The following DNAH12 variants were observed in gnomAD, a reference collection of about 807,000 sequenced individuals.
DNAH12 encodes the protein axonemal beta dynein heavy chain 12.
In DNAH12, 285 loss-of-function variants were observed where a neutral mutation model predicts 371.5. The observed-to-expected ratio is 0.77, with a 90% CI of 0.70 to 0.85. DNAH12 has a LOEUF of 0.85. Ranked by LOEUF, DNAH12 falls within the 40% of genes least tolerant of loss-of-function variation. DNAH12 has a pLI of 0.00. For missense variants in DNAH12, 3,611 were observed against 3,689.4 expected, an observed-to-expected ratio of 0.98 and a Z score of 0.55; for synonymous variants, 1,200 against 1,213.0, an observed-to-expected ratio of 0.99 and a Z score of 0.22.
intron 25 of DNAH12, among the ~76,000 whole-genome samples, chr3:57,446,975 A>G (rs949022260): frequency 1.3e-5 from 2 of 152,192 alleles, no homozygotes; most frequent in African/African-American, 4.8e-5. Context: ...TAGTTCAGGA[A>G]GGTTTTAATT....
At chr3:57,383,795 A>T (rs2153344290) in intron 49 of DNAH12, among the ~76,000 whole-genome samples, 1 of 152,000 alleles carries the variant, frequency 6.6e-6, no homozygotes, top group Non-Finnish European at 1.5e-5. Context: ...AAAGAAAAAA[A>T]GTACTGAGAG....
intron 4 of DNAH12, among the ~76,000 whole-genome samples, chr3:57,517,010 C>T (rs2068224840): frequency 6.6e-6 from 1 of 152,052 alleles, no homozygotes; most frequent in Non-Finnish European, 1.5e-5. Flanking sequence ...TGGAACATAC[C>T]CAGTTGTTTT....
At chr3:57,393,625 C>CAAAAAAAAAAAAAAAAAAAAAAA (rs1180952196) in intron 44 of DNAH12, among the ~76,000 whole-genome samples, 1 of 64,296 alleles carries the variant, frequency 1.6e-5, no homozygotes, top group African/African-American at 8.7e-5. Flanking sequence ...GACTCTGTCT[C>CAAAAAAAAAAAAAAAAAAAAAAA]AAAAAAAAAA....
intron 49 of DNAH12, among the ~76,000 whole-genome samples, chr3:57,384,500 C>T (rs1484930637): frequency 6.6e-6 from 1 of 151,860 alleles, no homozygotes; most frequent in Non-Finnish European, 1.5e-5. Context: ...AAAGATTAGC[C>T]AGGCCTAGTG....
intron 13 of DNAH12, among the ~76,000 whole-genome samples, chr3:57,479,224 T>C (rs1478026074): frequency 2.0e-5 from 3 of 152,032 alleles, no homozygotes; most frequent in Non-Finnish European, 4.4e-5. Context: ...GGATGGAGGA[T>C]GATCTACCAA....
intron 34 of DNAH12, chr3:57,428,322 A>G (rs1230484625): frequency 1.9e-6 from 2 of 1,079,706 alleles, no homozygotes; most frequent in Admixed American, 3.1e-5. Context: ...TAAATATTGA[A>G]TAACTCATAA....
At chr3:57,499,940 G>A (rs1424747648) in intron 11 of DNAH12, among the ~76,000 whole-genome samples, 4 of 151,342 alleles carry the variant, frequency 2.6e-5, no homozygotes, top group Non-Finnish European at 5.9e-5. Flanking sequence ...TAGAAAGGGG[G>A]AAAATGAAGA....
intron 65 of DNAH12, among the ~76,000 whole-genome samples, chr3:57,315,208 C>T (rs185094979): frequency 6.6e-6 from 1 of 151,846 alleles, no homozygotes; most frequent in Non-Finnish European, 1.5e-5. Flanking sequence ...AGGTCCCCCC[C>T]AAGTAAATTT....
At chr3:57,517,623 A>G (rs1473142061) in intron 4 of DNAH12, among the ~76,000 whole-genome samples, 2 of 152,242 alleles carry the variant, frequency 1.3e-5, no homozygotes, top group African/African-American at 2.4e-5. Flanking sequence ...TTATGTATCT[A>G]TAACTTATAC....
chr3:57,494,457 G>C (rs556559498), intron 11 of DNAH12, among the ~76,000 whole-genome samples: 63 of 152,174 alleles, frequency 4.1e-4, no homozygotes, highest in African/African-American at 1.4e-3. Context: ...AGGTAATTGG[G>C]AGGCTAAGGT....
intron 29 of DNAH12, 50 bp from the exon 30 acceptor site, chr3:57,437,110 C>A: frequency 8.9e-7 from 1 of 1,126,604 alleles, no homozygotes; most frequent in Non-Finnish European, 1.2e-6. Flanking sequence ...TTATAAATGT[C>A]ATACCTGTCT....
At chr3:57,361,456 ATATATATATATATATC>A (rs1171566860) in intron 58 of DNAH12, among the ~76,000 whole-genome samples, 1 of 143,832 alleles carries the variant, frequency 7.0e-6, no homozygotes, top group African/African-American at 2.7e-5. Flanking sequence ...ATATATATAT[ATATATATATATATATC>A]TCATTCAGCT....
At chr3:57,537,195 GA>G (rs1294088845) in intron 2 of DNAH12, among the ~76,000 whole-genome samples, 1 of 150,730 alleles carries the variant, frequency 6.6e-6, no homozygotes, top group Non-Finnish European at 1.5e-5. Flanking sequence ...CCTTGTCTCA[GA>G]AAAAAAAAAG....
At chr3:57,517,135 A>G (rs2068230250) in intron 4 of DNAH12, among the ~76,000 whole-genome samples, 1 of 152,102 alleles carries the variant, frequency 6.6e-6, no homozygotes, top group South Asian at 2.1e-4. Flanking sequence ...TCACCACCTC[A>G]GGGACGCCTT....
At chr3:57,395,873 C>T (rs2063726169) in intron 43 of DNAH12, among the ~76,000 whole-genome samples, 1 of 151,930 alleles carries the variant, frequency 6.6e-6, no homozygotes, top group Non-Finnish European at 1.5e-5. Context: ...GGGAGGATTG[C>T]TTGAGCCTGG....
At position 57,519,969 on chromosome 3, in the gene DNAH12, G is replaced by A. The variant is rs1053174139; in HGVS notation, c.279+3614C>T. 2.0e-5 allele frequency: 17 copies of A among 852,710 alleles called. No individual in the cohort carries two copies. The African/African-American group carries it at 2.5e-4, about 13-fold the overall frequency. The allele number at this position is 852,710 out of a possible 1,614,324, so 52.8% of individuals were successfully genotyped here. A position where few individuals can be genotyped will look rare whatever the true frequency, so the allele number is the denominator to read the frequency against. ...TGGAGCCTGCGCTCCTGGAGTGAGA[G>A]GTCAGGGCGTAGGGTTCCTCGCCGT... On this transcript the variant is annotated intron_variant, in intron 4 of 73. Coordinates refer to ENST00000495027, the MANE Select transcript of DNAH12 (RefSeq NM_001366028.2).
intron 22 of DNAH12, 62 bp from the exon 23 acceptor site, chr3:57,454,956 C>A: frequency 6.6e-7 from 1 of 1,511,482 alleles, no homozygotes; most frequent in South Asian, 1.3e-5. Flanking sequence ...AGCTAAATGT[C>A]TAACAATAGA....
In DNAH12 at chr3:57,522,725, C is replaced by A. The variant is rs928927631; in HGVS notation, c.279+858G>T. Among the ~76,000 whole-genome samples, 4 of 152,150 alleles carry A rather than the reference C, an allele frequency of 2.6e-5. No individual in the cohort carries two copies. The East Asian group carries it at 7.7e-4, about 29-fold the overall frequency. On this transcript the variant is annotated intron_variant, in intron 4 of 73. Transcript: ENST00000495027. ...ACATGCTGCATGATTTCCTCTTTCA[C>A]GTCTCCAGTTCCATACGTTTCTGTT... is the stretch of plus-strand genomic sequence containing the variant.
At chr3:57,346,472 G>C (rs193092882) in intron 60 of DNAH12, among the ~76,000 whole-genome samples, 12 of 151,982 alleles carry the variant, frequency 7.9e-5, no homozygotes, top group Admixed American at 3.3e-4. Flanking sequence ...TAAGAGAAGA[G>C]AAAAAATGGA....
Sources: allele counts gnomAD v4.1 joint callset (sites outside exome capture counted in the v4.1 genomes callset), GRCh38; gene constraint gnomAD v4.1.1; transcripts MANE v1.5; gene names NCBI Gene and HGNC (gene_info 2026-07-23, HGNC 2026-07-21).